Variants in TMEM117 observed in about 807,000 individuals in gnomAD.
TMEM117 encodes transmembrane protein 117.
TMEM117 carries 27 observed loss-of-function variants against 52.4 expected under a neutral mutation model. The observed-to-expected ratio is 0.51, with a 90% confidence interval of 0.38 to 0.71. TMEM117 has a LOEUF of 0.71. Among genes scored for constraint, TMEM117 ranks in the 30% least tolerant of loss-of-function variants. TMEM117 has a pLI of 0.00. For synonymous variants in TMEM117, 215 were observed against 206.3 expected, an observed-to-expected ratio of 1.04 and a Z score of -0.36; for missense variants, 556 against 630.5, an observed-to-expected ratio of 0.88 and a Z score of 1.26.
chr12:44,397,574 A>G, the TMEM117 span, among the ~76,000 whole-genome samples: 1 of 152,216 alleles, frequency 6.6e-6, no homozygotes, highest in Admixed American at 6.5e-5. Context: ...TTATAGCTGT[A>G]CTTTTATAAC....
At chr12:44,038,287 G>A (rs1024372685) in intron 3 of TMEM117, among the ~76,000 whole-genome samples, 4 of 152,140 alleles carry the variant, frequency 2.6e-5, no homozygotes, top group Non-Finnish European at 4.4e-5. Context: ...AGCCAGGGCT[G>A]TGACACCCTC....
intron 3 of TMEM117, among the ~76,000 whole-genome samples, chr12:43,963,075 T>C (rs1945430253): frequency 6.6e-6 from 1 of 151,858 alleles, no homozygotes; most frequent in African/African-American, 2.4e-5. Flanking sequence ...AATTGGTTTT[T>C]ATTGCTTCAG....
At chr12:44,108,094 C>T (rs1220323706) in intron 3 of TMEM117, among the ~76,000 whole-genome samples, 1 of 152,116 alleles carries the variant, frequency 6.6e-6, no homozygotes, top group African/African-American at 2.4e-5. Context: ...TTCCACAGAT[C>T]TGTTGACATT....
chr12:44,078,862 A>ACACCCCCC (rs1947428078), intron 3 of TMEM117, among the ~76,000 whole-genome samples: 1 of 56,480 alleles, frequency 1.8e-5, no homozygotes. Context: ...CTCCCCTAGC[A>ACACCCCCC]CCCCCCCACC....
At chr12:44,017,518 T>C (rs80151359) in intron 3 of TMEM117, among the ~76,000 whole-genome samples, 1,595 of 152,128 alleles carry the variant, frequency 0.01, 28 homozygotes, top group African/African-American at 0.037. Flanking sequence ...GAAAATAGAT[T>C]TGTGTATTCT....
chr12:43,864,217 C>A (rs993930969), intron 2 of TMEM117, among the ~76,000 whole-genome samples: 1 of 152,216 alleles, frequency 6.6e-6, no homozygotes, highest in South Asian at 2.1e-4. Context: ...TGAGCCTCCC[C>A]GACCAGCACC....
chr12:44,375,121 A>G (rs1007331080), intron 6 of TMEM117, among the ~76,000 whole-genome samples: 3 of 152,154 alleles, frequency 2.0e-5, no homozygotes, highest in African/African-American at 4.8e-5. Context: ...AACCTCAGCA[A>G]TAGTTCACAT....
At chr12:44,377,595 GTCTT>G (rs1452036439) in intron 7 of TMEM117, among the ~76,000 whole-genome samples, 2 of 152,104 alleles carry the variant, frequency 1.3e-5, no homozygotes, top group Admixed American at 6.5e-5. Flanking sequence ...TTTTATATCT[GTCTT>G]TCTTTATGAC....
chr12:43,839,710 A>C (rs1034024815), intron 1 of TMEM117, among the ~76,000 whole-genome samples: 2 of 152,256 alleles, frequency 1.3e-5, no homozygotes, highest in Admixed American at 1.3e-4. Context: ...TATCAGATGC[A>C]TGGCAACAGG....
intron 6 of TMEM117, chr12:44,318,390 C>G (rs1173705100): frequency 6.6e-6 from 1 of 152,104 alleles, no homozygotes; most frequent in Non-Finnish European, 1.5e-5. Context: ...GCTCAGGCTA[C>G]TAGTCCAGGA....
intron 5 of TMEM117, among the ~76,000 whole-genome samples, chr12:44,269,746 A>C (rs947875256): frequency 1.4e-4 from 21 of 152,110 alleles, no homozygotes; most frequent in African/African-American, 4.8e-4. Flanking sequence ...ATACTTTCCA[A>C]GTCCTCATTG....
chr12:43,933,833 T>C (rs746244122), intron 2 of TMEM117, among the ~76,000 whole-genome samples: 1 of 152,214 alleles, frequency 6.6e-6, no homozygotes. Context: ...AGTGCTGGGA[T>C]TGCAGGCGTG....
intron 4 of TMEM117, among the ~76,000 whole-genome samples, chr12:44,180,909 A>G (rs1361890550): frequency 6.6e-6 from 1 of 151,772 alleles, no homozygotes; most frequent in Non-Finnish European, 1.5e-5. Flanking sequence ...CCAGTTCTAG[A>G]TCCCTGAGGA....
chr12:44,275,118 C>T (rs760606152), intron 5 of TMEM117, among the ~76,000 whole-genome samples: 3 of 151,790 alleles, frequency 2.0e-5, no homozygotes, highest in Non-Finnish European at 4.4e-5. Context: ...TTGAATAACC[C>T]GATCAAAAAA....
At chr12:44,049,632 G>A (rs1419980214) in intron 3 of TMEM117, among the ~76,000 whole-genome samples, 2 of 150,452 alleles carry the variant, frequency 1.3e-5, no homozygotes, top group African/African-American at 2.4e-5. Flanking sequence ...TTATGTGAGA[G>A]CACCAAAAGA....
At chr12:43,836,975 T>C (rs914705675) in intron 1 of TMEM117, among the ~76,000 whole-genome samples, 6 of 152,204 alleles carry the variant, frequency 3.9e-5, no homozygotes, top group African/African-American at 1.4e-4. Flanking sequence ...GCTACAGGGT[T>C]TTGTTTTGGC....
chr12:44,145,017 C>A (rs903574463), intron 4 of TMEM117, among the ~76,000 whole-genome samples: 2 of 152,008 alleles, frequency 1.3e-5, no homozygotes, highest in African/African-American at 4.8e-5. Context: ...ATTAGCCAGG[C>A]GTGGTGGCGG....
At chr12:44,228,391 C>T (rs533279499) in intron 5 of TMEM117, among the ~76,000 whole-genome samples, 1 of 152,164 alleles carries the variant, frequency 6.6e-6, no homozygotes, top group Admixed American at 6.6e-5. Context: ...TAGTTTTTAC[C>T]TGTTAGGTGT....
intron 2 of TMEM117, among the ~76,000 whole-genome samples, chr12:43,882,956 C>T (rs1300183733): frequency 6.6e-6 from 1 of 152,128 alleles, no homozygotes; most frequent in Admixed American, 6.5e-5. Flanking sequence ...TTCTTAGTTA[C>T]ACAAGGCTAA....
Sources: gnomAD v4.1 joint callset for allele counts (sites outside exome capture counted in the v4.1 genomes callset) on GRCh38, gnomAD v4.1.1 for gene constraint, MANE v1.5 for transcripts, NCBI Gene and HGNC (gene_info 2026-07-23, HGNC 2026-07-21) for gene names.